Variants in ULK4 observed in about 807,000 individuals in gnomAD.
ULK4 encodes the protein inactive serine/threonine-protein kinase ULK4.
ULK4 carries 133 observed loss-of-function variants against 160.6 expected under a neutral mutation model. The ratio of observed to expected loss-of-function variants is 0.83; its 90% CI spans 0.72 to 0.96. ULK4 has a LOEUF of 0.96. Ranked by LOEUF, ULK4 falls within the 40% of genes least tolerant of loss-of-function variation. The pLI, the probability that ULK4 is intolerant of heterozygous loss-of-function variation, is 0.00. For synonymous variants in ULK4, 534 were observed against 539.8 expected, an observed-to-expected ratio of 0.99 and a Z score of 0.15; for missense variants, 1,580 against 1,499.5, an observed-to-expected ratio of 1.05 and a Z score of -0.89.
chr3:41,676,143 G>A (rs561071664), intron 29 of ULK4, among the ~76,000 whole-genome samples: 1 of 152,120 alleles, frequency 6.6e-6, no homozygotes, highest in Non-Finnish European at 1.5e-5. Flanking sequence ...AATGGGCATT[G>A]ATATAAGCCA....
chr3:41,483,990 C>G (rs1395491538), intron 32 of ULK4, among the ~76,000 whole-genome samples: 1 of 152,208 alleles, frequency 6.6e-6, no homozygotes, highest in Non-Finnish European at 1.5e-5. Context: ...GATGCCCTGA[C>G]AATACCTTGA....
At chr3:41,602,322 AGG>A (rs1373739242) in intron 31 of ULK4, among the ~76,000 whole-genome samples, 79 of 127,240 alleles carry the variant, frequency 6.2e-4, no homozygotes, top group Middle Eastern at 3.8e-3. Flanking sequence ...AAAGGAAAGG[AGG>A]AAGGGAAAGG....
intron 21 of ULK4, among the ~76,000 whole-genome samples, chr3:41,773,175 C>A (rs1410452835): frequency 2.6e-5 from 4 of 152,136 alleles, no homozygotes; most frequent in Admixed American, 6.5e-5. Flanking sequence ...CAGGGATGCC[C>A]TCTCTCACCA....
intron 32 of ULK4, among the ~76,000 whole-genome samples, chr3:41,508,731 C>T (rs1021104175): frequency 2.6e-4 from 39 of 152,092 alleles, no homozygotes; most frequent in African/African-American, 7.7e-4. Context: ...AAACAATCAC[C>T]GCAGGTTGGC....
intron 17 of ULK4, 48 bp downstream of exon 17, chr3:41,883,826 A>T: frequency 6.7e-7 from 1 of 1,484,522 alleles, no homozygotes; most frequent in South Asian, 1.1e-5. Flanking sequence ...CAGAATCAAG[A>T]ACAGTATTTC....
intron 35 of ULK4, among the ~76,000 whole-genome samples, chr3:41,325,838 G>C (rs1345416883): frequency 6.6e-6 from 1 of 152,048 alleles, no homozygotes; most frequent in Non-Finnish European, 1.5e-5. Flanking sequence ...TGAATTGCTA[G>C]AACCAGGGAG....
chr3:41,665,681 A>G (rs2035329457), intron 29 of ULK4, among the ~76,000 whole-genome samples: 1 of 152,232 alleles, frequency 6.6e-6, no homozygotes, highest in African/African-American at 2.4e-5. Context: ...TATCATATAA[A>G]TAAAACAAAT....
chr3:41,811,726 A>G (rs1303749497), intron 19 of ULK4, among the ~76,000 whole-genome samples: 2 of 152,146 alleles, frequency 1.3e-5, no homozygotes, highest in African/African-American at 4.8e-5. Context: ...ACAAACTTGG[A>G]CAGTTTTGTT....
intron 21 of ULK4, among the ~76,000 whole-genome samples, chr3:41,784,349 G>A (rs1283321280): frequency 1.3e-5 from 2 of 152,000 alleles, no homozygotes; most frequent in African/African-American, 2.4e-5. Flanking sequence ...CAGGAGAATC[G>A]CTTGAACCCA....
intron 21 of ULK4, among the ~76,000 whole-genome samples, chr3:41,786,754 G>A (rs2040009010): frequency 6.6e-6 from 1 of 151,994 alleles, no homozygotes; most frequent in South Asian, 2.1e-4. Context: ...ACAAGAGAGA[G>A]AAGATGCACT....
At chr3:41,744,172 G>T (rs2038339700) in intron 22 of ULK4, among the ~76,000 whole-genome samples, 1 of 151,738 alleles carries the variant, frequency 6.6e-6, no homozygotes. Context: ...AACAAAATAA[G>T]GAATAAAATG....
intron 17 of ULK4, among the ~76,000 whole-genome samples, chr3:41,840,036 A>G (rs1020455846): frequency 2.0e-5 from 3 of 152,208 alleles, no homozygotes. Context: ...TCAAATTCCT[A>G]CCAAAATCCT....
intron 35 of ULK4, among the ~76,000 whole-genome samples, chr3:41,319,446 T>C (rs2080208514): frequency 6.6e-6 from 1 of 152,214 alleles, no homozygotes; most frequent in Admixed American, 6.5e-5. Flanking sequence ...GTTTAAGTAC[T>C]GTCAATTTCA....
chr3:41,788,983 T>A (rs1056241521), intron 21 of ULK4, among the ~76,000 whole-genome samples: 2 of 152,152 alleles, frequency 1.3e-5, no homozygotes, highest in Non-Finnish European at 2.9e-5. Flanking sequence ...AAATGTAGAT[T>A]CTGATTCAGA....
intron 35 of ULK4, among the ~76,000 whole-genome samples, chr3:41,266,006 T>A (rs141177617): frequency 6.6e-6 from 1 of 152,174 alleles, no homozygotes; most frequent in Non-Finnish European, 1.5e-5. Context: ...CCCAGCAGAA[T>A]GTGTATGCAC....
intron 30 of ULK4, among the ~76,000 whole-genome samples, chr3:41,641,937 G>A (rs1196190070): frequency 2.7e-5 from 4 of 149,352 alleles, no homozygotes; most frequent in African/African-American, 7.5e-5. Context: ...GTGCAATGGC[G>A]TGATCTCGGC....
At chr3:41,479,573 C>T (rs762852381) in intron 32 of ULK4, among the ~76,000 whole-genome samples, 6 of 152,132 alleles carry the variant, frequency 3.9e-5, no homozygotes, top group Non-Finnish European at 8.8e-5. Context: ...AAAGGCAAGA[C>T]AGGCTTGGTC....
chr3:41,465,267 T>G (rs186562697), intron 32 of ULK4, among the ~76,000 whole-genome samples: 1 of 152,232 alleles, frequency 6.6e-6, no homozygotes, highest in Non-Finnish European at 1.5e-5. Context: ...TTCAGCAAAA[T>G]GTACCTTCAT....
rs1356124755 is a variant in ULK4 at position 41,774,009 on chromosome 3, G to T, written c.2193+15652C>A. Among the ~76,000 whole-genome samples, 3 of 152,136 alleles carry T rather than the reference G, an allele frequency of 2.0e-5. No homozygotes were observed. In the East Asian group the frequency reaches 5.8e-4, roughly 29 times the overall value. ...TTTAATAAATGGTGCTGGGAAAACTGGCTAGCCATATGTAGAAAGCTGAAA... is the reference window on the plus strand; with the variant it reads ...TTTAATAAATGGTGCTGGGAAAACTTGCTAGCCATATGTAGAAAGCTGAAA... On this transcript the variant is annotated intron_variant, in intron 21 of 36. Transcript: ENST00000301831.
Sources: allele counts gnomAD v4.1 joint callset (sites outside exome capture counted in the v4.1 genomes callset), GRCh38; gene constraint gnomAD v4.1.1; transcripts MANE v1.5; gene names NCBI Gene and HGNC (gene_info 2026-07-23, HGNC 2026-07-21).